ANK2: variants seen among roughly 807,000 people sequenced by gnomAD.
ANK2 encodes the protein ankyrin 2, also known as ankyrin-2.
A neutral mutation model predicts 360.5 loss-of-function variants in ANK2; 83 were observed. The ratio of observed to expected loss-of-function variants is 0.23; its 90% CI spans 0.19 to 0.28. The LOEUF (loss-of-function observed/expected upper bound fraction) is 0.28. Among genes scored for constraint, ANK2 ranks in the 10% least tolerant of loss-of-function variants. ANK2 has a pLI of 1.00. For missense variants in ANK2, 4,201 were observed against 4,795.7 expected, an observed-to-expected ratio of 0.88 and a Z score of 3.66; for synonymous variants, 1,740 against 1,759.5, an observed-to-expected ratio of 0.99 and a Z score of 0.28.
chr4:113,256,040 TA>T (rs2049127856), intron 11 of ANK2, 108 bp downstream of exon 11: 2 of 1,313,696 alleles, frequency 1.5e-6, no homozygotes, highest in Admixed American at 3.7e-5. Context: ...GATATGTAGT[TA>T]ATCCTGCTAA....
intron 2 of ANK2, chr4:113,033,742 G>T (rs1195378935): frequency 6.6e-6 from 1 of 151,934 alleles, no homozygotes; most frequent in South Asian, 2.1e-4. Flanking sequence ...CAAATGGATA[G>T]TTTCCATTTA....
chr4:113,285,565 T>C (rs1277414812), intron 18 of ANK2, among the ~76,000 whole-genome samples: 2 of 152,148 alleles, frequency 1.3e-5, no homozygotes, highest in African/African-American at 4.8e-5. Flanking sequence ...AGGAGACACA[T>C]AGGGCAAGGT....
At chr4:113,333,782 G>T (rs773106664) in intron 29 of ANK2, among the ~76,000 whole-genome samples, 5 of 152,110 alleles carry the variant, frequency 3.3e-5, no homozygotes, top group Admixed American at 6.5e-5. Flanking sequence ...AGTTAGCCAG[G>T]GTTGAATTGC....
intron 35 of ANK2, 52 bp downstream of exon 35, chr4:113,346,074 T>A (rs1021555272): frequency 5.6e-6 from 9 of 1,606,386 alleles, no homozygotes; most frequent in Non-Finnish European, 6.8e-6. Context: ...AATTGATTTT[T>A]AAATCTTGTT....
the ANK2 span, among the ~76,000 whole-genome samples, chr4:112,740,089 A>T: frequency 1.3e-5 from 2 of 151,878 alleles, no homozygotes; most frequent in African/African-American, 2.4e-5. Flanking sequence ...CTCCACATCA[A>T]CCTGGTCTTT....
At chr4:113,008,083 T>A (rs2053511003) in intron 2 of ANK2, among the ~76,000 whole-genome samples, 1 of 150,520 alleles carries the variant, frequency 6.6e-6, no homozygotes, top group Non-Finnish European at 1.5e-5. Flanking sequence ...AAGTGGTACC[T>A]ACACCATTAA....
chr4:112,789,708 G>T, the ANK2 span, among the ~76,000 whole-genome samples: 40,273 of 151,946 alleles, frequency 0.27, 5,927 homozygotes, highest in East Asian at 0.53. Context: ...ATCTGTGCCA[G>T]TGATCTCTGT....
chr4:113,130,669 G>A (rs929338840), intron 1 of ANK2, among the ~76,000 whole-genome samples: 2 of 152,126 alleles, frequency 1.3e-5, no homozygotes, highest in African/African-American at 2.4e-5. Flanking sequence ...GTAATGCCCC[G>A]ATGTCATGGG....
At chr4:112,960,586 C>G (rs1416529040) in intron 2 of ANK2, among the ~76,000 whole-genome samples, 1 of 152,118 alleles carries the variant, frequency 6.6e-6, no homozygotes, top group Non-Finnish European at 1.5e-5. Context: ...AGGCACATCA[C>G]AATGTCCCAA....
intron 1 of ANK2, among the ~76,000 whole-genome samples, chr4:112,879,088 A>G (rs1024169841): frequency 3.3e-5 from 5 of 152,318 alleles, no homozygotes; most frequent in South Asian, 2.1e-4. Flanking sequence ...ATGAGATGGA[A>G]GTTGCATGTA....
rs1240166436 is a variant in ANK2 at position 113,381,733 on chromosome 4, T to A, written c.*262T>A. 1 of 1,328,392 alleles carries A rather than the reference T, an allele frequency of 7.5e-7. No homozygotes were observed. Among genetic ancestry groups the A allele is most frequent in the Non-Finnish European group, 1.0e-6 (1 of 969,910 alleles). The allele number at this position is 1,328,392 out of a possible 1,614,324, so 82.3% of individuals were successfully genotyped here. Reference sequence around the variant, plus strand: ...GGAGTGACCTAACTGGCCTAATTAATGGGATACCCCGACATTTCCACTGTT... The same window carrying A: ...GGAGTGACCTAACTGGCCTAATTAAAGGGATACCCCGACATTTCCACTGTT... On this transcript the variant is annotated 3_prime_UTR_variant, in exon 46 of 46. Coordinates refer to ENST00000357077, the MANE Select transcript of ANK2 (RefSeq NM_001148.6).
chr4:113,278,420 C>G, intron 16 of ANK2, 40 bp from the exon 17 acceptor site: 1 of 1,587,896 alleles, frequency 6.3e-7, no homozygotes, highest in South Asian at 1.1e-5. Flanking sequence ...GCAGCTAACC[C>G]TAATTTATTA....
At chr4:113,071,651 A>G (rs2077587141) in intron 1 of ANK2, among the ~76,000 whole-genome samples, 1 of 152,138 alleles carries the variant, frequency 6.6e-6, no homozygotes, top group South Asian at 2.1e-4. Context: ...GGGCTTTACA[A>G]TCTGGCCAGG....
intron 1 of ANK2, among the ~76,000 whole-genome samples, chr4:113,105,797 T>G (rs2093550999): frequency 6.6e-6 from 1 of 152,182 alleles, no homozygotes; most frequent in Non-Finnish European, 1.5e-5. Context: ...ATTGTATTAC[T>G]CAAATGTGTG....
intron 1 of ANK2, among the ~76,000 whole-genome samples, chr4:112,853,572 A>G (rs2150002584): frequency 6.6e-6 from 1 of 152,310 alleles, no homozygotes; most frequent in East Asian, 1.9e-4. Context: ...CCTTAAAGAA[A>G]TTCTTTTAAA....
intron 1 of ANK2, among the ~76,000 whole-genome samples, chr4:113,112,959 T>C (rs547428741): frequency 6.6e-5 from 10 of 152,326 alleles, no homozygotes; most frequent in Middle Eastern, 3.4e-3. Flanking sequence ...CAAGCTTTTC[T>C]TGGTAATTTT....
intron 45 of ANK2, chr4:113,374,981 G>T (rs1589371956): frequency 9.7e-7 from 1 of 1,027,242 alleles, no homozygotes; most frequent in South Asian, 3.0e-5. Flanking sequence ...TTTTATGTGT[G>T]TGTTTTATGT....
chr4:112,717,974 G>A, the ANK2 span, among the ~76,000 whole-genome samples: 1 of 152,142 alleles, frequency 6.6e-6, no homozygotes, highest in Non-Finnish European at 1.5e-5. Context: ...AATGTTTTAT[G>A]CATGAATGCC....
intron 1 of ANK2, among the ~76,000 whole-genome samples, chr4:113,111,582 A>AG (rs556916296): frequency 6.6e-6 from 1 of 152,170 alleles, no homozygotes; most frequent in African/African-American, 2.4e-5. Flanking sequence ...ACAAACCAAA[A>AG]GGGGAAGTTA....
Sources: allele counts gnomAD v4.1 joint callset (sites outside exome capture counted in the v4.1 genomes callset), GRCh38; gene constraint gnomAD v4.1.1; transcripts MANE v1.5; gene names NCBI Gene and HGNC (gene_info 2026-07-23, HGNC 2026-07-21).